TRIM37: variants seen among roughly 807,000 people sequenced by gnomAD.
TRIM37 encodes the protein tripartite motif containing 37.
TRIM37 carries 80 observed loss-of-function variants against 129.8 expected under a neutral mutation model. The ratio of observed to expected loss-of-function variants is 0.62; its 90% CI spans 0.51 to 0.74. TRIM37 has a LOEUF of 0.74. Ranked by LOEUF, TRIM37 falls within the 30% of genes least tolerant of loss-of-function variation. The pLI is 0.00. For missense variants in TRIM37, 1,054 were observed against 1,176.5 expected, an observed-to-expected ratio of 0.90 and a Z score of 1.52; for synonymous variants, 389 against 387.1, an observed-to-expected ratio of 1.00 and a Z score of -0.06.
At chr17:59,032,405 G>A (rs964682707) in intron 17 of TRIM37, among the ~76,000 whole-genome samples, 1 of 151,106 alleles carries the variant, frequency 6.6e-6, no homozygotes, top group South Asian at 2.1e-4. Context: ...GGCGCCTGTA[G>A]TCCCAGCTAC....
intron 9 of TRIM37, among the ~76,000 whole-genome samples, chr17:59,069,139 G>C (rs2042158351): frequency 6.6e-6 from 1 of 152,078 alleles, no homozygotes; most frequent in Non-Finnish European, 1.5e-5. Context: ...TTGAGGTGAG[G>C]AGTTTGAGAC....
intron 4 of TRIM37, among the ~76,000 whole-genome samples, chr17:59,087,007 AAAT>A (rs1467450293): frequency 6.6e-6 from 1 of 152,222 alleles, no homozygotes; most frequent in Non-Finnish European, 1.5e-5. Flanking sequence ...AAAAGAAATT[AAAT>A]AATTATTTTT....
the TRIM37 span, among the ~76,000 whole-genome samples, chr17:58,975,137 G>A: frequency 6.6e-6 from 1 of 152,156 alleles, no homozygotes; most frequent in South Asian, 2.1e-4. Flanking sequence ...TACTATCTGT[G>A]GAACCAATTT....
intron 7 of TRIM37, among the ~76,000 whole-genome samples, chr17:59,078,901 A>C (rs2043036817): frequency 6.6e-6 from 1 of 152,212 alleles, no homozygotes; most frequent in South Asian, 2.1e-4. Flanking sequence ...ATAGGATTAT[A>C]ATAGAAAAGC....
chr17:59,023,840 G>A (rs1474253322), intron 19 of TRIM37, among the ~76,000 whole-genome samples: 1 of 152,066 alleles, frequency 6.6e-6, no homozygotes, highest in East Asian at 1.9e-4. Flanking sequence ...AGCAGAAAAT[G>A]AATAAACAAA....
At chr17:59,091,580 G>GTATAATAATGTATAATATATTA (rs1433023606) in intron 2 of TRIM37, among the ~76,000 whole-genome samples, 1 of 84,740 alleles carries the variant, frequency 1.2e-5, no homozygotes, top group African/African-American at 5.2e-5. Context: ...TATATATAAT[G>GTATAATAATGTATAATATATTA]TATAATATAT....
At chr17:59,028,331 T>C in intron 19 of TRIM37, 84 bp downstream of exon 19, 3 of 1,325,166 alleles carry the variant, frequency 2.3e-6, no homozygotes, top group Non-Finnish European at 3.2e-6. Context: ...AGAGTGGTAT[T>C]TAAATATTAT....
rs556197775 is a variant in TRIM37, at chr17:59,106,564, C to A, written c.-103G>T. On this transcript the variant is annotated 5_prime_UTR_variant, in exon 1 of 24. Transcript: ENST00000262294. ...CCAGATCAAATCGCCGATAAAAGCC[C>A]GGCGCCCACGTCAGGGGGCTCTGAC... 14 of 1,434,198 alleles carry A rather than the reference C, an allele frequency of 9.8e-6. No individual in the cohort carries two copies. In the South Asian group the frequency reaches 1.7e-4, roughly 17 times the overall value. 88.8% of individuals were successfully genotyped at this position (1,434,198 alleles called of 1,614,324 possible).
intron 17 of TRIM37, among the ~76,000 whole-genome samples, chr17:59,037,942 A>G (rs1225522966): frequency 2.0e-5 from 3 of 152,074 alleles, no homozygotes; most frequent in African/African-American, 4.8e-5. Context: ...ATGTTCCTCA[A>G]TTAAGGGTAT....
intron 19 of TRIM37, among the ~76,000 whole-genome samples, chr17:59,025,405 T>C (rs1036393255): frequency 1.3e-5 from 2 of 151,340 alleles, no homozygotes; most frequent in African/African-American, 2.4e-5. Flanking sequence ...ATATTATTAA[T>C]ATTCATGTCA....
At chr17:59,015,250 G>A (rs2035771747) in intron 21 of TRIM37, among the ~76,000 whole-genome samples, 1 of 151,970 alleles carries the variant, frequency 6.6e-6, no homozygotes, top group South Asian at 2.1e-4. Flanking sequence ...GACCAGCCTG[G>A]CCAACATGGC....
chr17:59,101,118 T>A, intron 2 of TRIM37, among the ~76,000 whole-genome samples: 1 of 152,020 alleles, frequency 6.6e-6, no homozygotes, highest in African/African-American at 2.4e-5. Flanking sequence ...AAAAAATGAC[T>A]GGCTTGAAAA....
chr17:59,105,091 C>CAAAAAAAAA (rs35249068), intron 1 of TRIM37, among the ~76,000 whole-genome samples: 4 of 122,632 alleles, frequency 3.3e-5, no homozygotes, highest in Non-Finnish European at 3.4e-5. Context: ...GATTCTGTCT[C>CAAAAAAAAA]AAAAAAAAAA....
At chr17:59,103,453 T>C (rs970325485) in intron 2 of TRIM37, among the ~76,000 whole-genome samples, 3 of 151,804 alleles carry the variant, frequency 2.0e-5, no homozygotes, top group Admixed American at 2.0e-4. Flanking sequence ...GCGATTCTCC[T>C]GCCTCAGCCT....
At chr17:58,970,455 A>C in the TRIM37 span, among the ~76,000 whole-genome samples, 9 of 152,324 alleles carry the variant, frequency 5.9e-5, no homozygotes, top group East Asian at 1.7e-3. Flanking sequence ...AATTTTTAAA[A>C]ATAATTACAG....
At chr17:58,980,525 C>T (rs368424199), downstream of TRIM37, 12 of 1,614,102 alleles carry the variant, frequency 7.4e-6, no homozygotes, top group East Asian at 4.5e-5. The surrounding 1 kb of genome is among the most constrained non-coding windows in gnomAD (Gnocchi z 4.7). Flanking sequence ...GTTTTTGCTA[C>T]CAGTTGAGAT....
At chr17:59,007,591 T>G (rs1419838299) in intron 22 of TRIM37, among the ~76,000 whole-genome samples, 1 of 152,072 alleles carries the variant, frequency 6.6e-6, no homozygotes, top group East Asian at 1.9e-4. Flanking sequence ...CCTTTAGTTT[T>G]ACAAAGAACA....
chr17:59,004,555 A>C (rs1261441037), intron 22 of TRIM37, among the ~76,000 whole-genome samples: 1 of 152,178 alleles, frequency 6.6e-6, no homozygotes, highest in African/African-American at 2.4e-5. Context: ...AGGTAGATTC[A>C]CTAACAAAAA....
In TRIM37 at chr17:59,082,426, T is replaced by C. The variant is rs551757694; in HGVS notation, c.370-1207A>G. 5.3e-5 allele frequency among the ~76,000 whole-genome samples: 8 copies of C among 152,346 alleles called. No homozygotes were observed. In the East Asian group the frequency reaches 1.5e-3, roughly 29 times the overall value. ...CTCATCAGCTCTCTGTATTTATTCC[T>C]ATAATTTATCAAGCCAATTGAGTAT... On this transcript the variant is annotated intron_variant, in intron 5 of 23. Transcript: ENST00000262294.
Sources: gnomAD v4.1 joint callset for allele counts (sites outside exome capture counted in the v4.1 genomes callset) on GRCh38, gnomAD v4.1.1 for gene constraint, Gnocchi (gnomAD v3.1) non-coding constraint, MANE v1.5 for transcripts, NCBI Gene and HGNC (gene_info 2026-07-23, HGNC 2026-07-21) for gene names.